Variants in OARD1 observed in about 807,000 individuals in gnomAD.
OARD1 encodes O-acyl-ADP-ribose deacylase 1.
In OARD1, 19 loss-of-function variants were observed where a neutral mutation model predicts 19.7. The ratio of observed to expected loss-of-function variants is 0.96; its 90% CI spans 0.67 to 1.41. OARD1 has a LOEUF of 1.41. Ranked by LOEUF, OARD1 falls within the 40% of genes most tolerant of loss-of-function variation. The pLI, the probability that OARD1 is intolerant of heterozygous loss-of-function variation, is 0.00. For synonymous variants in OARD1, 70 were observed against 61.8 expected (o/e 1.13, Z -0.62); for missense variants, 190 against 183.8 (o/e 1.03, Z -0.20).
intron 5 of OARD1, 107 bp downstream of exon 5, chr6:41,068,734 C>G: frequency 1.5e-6 from 1 of 667,508 alleles, no homozygotes; most frequent in East Asian, 3.1e-5. Context: ...TTTTGTCCAC[C>G]TTTAAATCTA....
At chr6:41,094,715 A>AG in intron 1 of OARD1, among the ~76,000 whole-genome samples, 1 of 152,134 alleles carries the variant, frequency 6.6e-6, no homozygotes, top group East Asian at 1.9e-4. Flanking sequence ...TGGGAGGCTG[A>AG]GGTGGGAAGC....
chr6:41,089,697 C>A (rs1764150294), intron 1 of OARD1: 1 of 1,612,216 alleles, frequency 6.2e-7, no homozygotes, highest in Non-Finnish European at 8.5e-7. Flanking sequence ...GCTGTCACTG[C>A]TGGCCAGACT....
intron 1 of OARD1, among the ~76,000 whole-genome samples, chr6:41,088,900 A>G (rs1431565811): frequency 1.3e-5 from 2 of 152,158 alleles, no homozygotes; most frequent in Non-Finnish European, 2.9e-5. Flanking sequence ...TTTAATATAT[A>G]TAGTATTTCC....
upstream of OARD1, among the ~76,000 whole-genome samples, chr6:41,075,919 G>A (rs972445260): frequency 1.3e-5 from 2 of 152,128 alleles, no homozygotes; most frequent in African/African-American, 4.8e-5. Context: ...TCAGAACAGT[G>A]TCTGGCACAT....
At position 41,065,584 on chromosome 6, in the gene OARD1, C is replaced by T. The variant is rs1762975661; in HGVS notation, c.*1751G>A. On this transcript the variant is annotated 3_prime_UTR_variant, in exon 6 of 6. Coordinates refer to ENST00000424266, the MANE Select transcript of OARD1 (RefSeq NM_001329686.2). ...ACAAAAGCAATGCTTCAAGAAAAGC[C>T]TCAATCTAAAAGTTTGATAATGAAC... 1 of 152,226 alleles carries T rather than the reference C, an allele frequency of 6.6e-6. No individual in the cohort carries two copies. Among genetic ancestry groups the T allele is most frequent in the African/African-American group, 2.4e-5 (1 of 41,466 alleles). The allele number at this position is 152,226 out of a possible 1,614,324, so 9.4% of individuals were successfully genotyped here.
At chr6:41,084,141 A>G (rs750408038) in intron 1 of OARD1, 3 of 1,614,206 alleles carry the variant, frequency 1.9e-6, no homozygotes, top group South Asian at 2.2e-5. Context: ...CTGGTGGACA[A>G]GGTCAAACCA....
rs779732285 is a variant in OARD1 at position 41,080,832 on chromosome 6, G to T, written c.-41-9157C>A. The T allele has an allele frequency of 1.5e-5, 24 of 1,613,786 alleles. No homozygotes were observed. The South Asian group carries it at 2.6e-4, about 18-fold the overall frequency. On this transcript the variant is annotated intron_variant, in intron 1 of 4. Coordinates refer to the OARD1 transcript ENST00000480585. ...TCAGCAGCAGGGTGGTGTCACTGCTGTGCAGTTGCAGACTGAGGCCCAGGT... is the reference window on the plus strand; with the variant it reads ...TCAGCAGCAGGGTGGTGTCACTGCTTTGCAGTTGCAGACTGAGGCCCAGGT...
intron 1 of OARD1, among the ~76,000 whole-genome samples, chr6:41,088,773 A>G (rs540507499): frequency 7.7e-4 from 117 of 152,040 alleles, no homozygotes; most frequent in African/African-American, 2.7e-3. Context: ...TTCAGTAGAT[A>G]CAGGGTTTTG....
chr6:41,071,516 T>C (rs911138847), intron 2 of OARD1, 80 bp downstream of exon 2: 4 of 1,251,850 alleles, frequency 3.2e-6, no homozygotes, highest in Non-Finnish European at 4.7e-6. Flanking sequence ...CAATCATTAA[T>C]TTAATTAAAA....
intron 1 of OARD1, among the ~76,000 whole-genome samples, chr6:41,091,894 G>C (rs1438825451): frequency 3.3e-5 from 5 of 151,964 alleles, no homozygotes; most frequent in Non-Finnish European, 7.4e-5. Flanking sequence ...TATTCACCAG[G>C]GACTATTCTA....
At position 41,086,613 on chromosome 6, in the gene OARD1, G is replaced by C. The variant is rs959292820; in HGVS notation, c.-42+11100C>G. ...TTGTATTCTCTATTTTAGAATCCTAGTAAAGCTTGCACCCTCTAAGAAAAA... is the reference window on the plus strand; with the variant it reads ...TTGTATTCTCTATTTTAGAATCCTACTAAAGCTTGCACCCTCTAAGAAAAA... On this transcript the variant is annotated intron_variant, in intron 1 of 4. Coordinates refer to the OARD1 transcript ENST00000480585. Among the ~76,000 whole-genome samples the C allele has an allele frequency of 5.3e-5, 8 of 151,936 alleles. No homozygotes were observed. In the South Asian group the frequency reaches 1.7e-3, roughly 31 times the overall value.
chr6:41,070,045 C>A lies in OARD1; in HGVS notation c.243+31G>T, dbSNP rs1388057107. The A allele has an allele frequency of 3.0e-6, 4 of 1,353,534 alleles. No individual in the cohort carries two copies. The South Asian group carries it at 3.5e-5, about 12-fold the overall frequency. 83.8% of individuals were successfully genotyped at this position (1,353,534 alleles called of 1,614,324 possible). ...CCTTAAAATGTATTAAGAACTGGCC[C>A]TGAAAAAAAAAGGAATTGGCCCCAT... On this transcript the variant is annotated intron_variant, in intron 4 of 5. Coordinates refer to ENST00000424266, the MANE Select transcript of OARD1 (RefSeq NM_001329686.2).
At chr6:41,071,575 A>G in intron 2 of OARD1, 21 bp downstream of exon 2, 1 of 1,598,482 alleles carries the variant, frequency 6.3e-7, no homozygotes, top group Non-Finnish European at 8.6e-7. Context: ...GTTCACCAAT[A>G]AGTCAATAGT....
chr6:41,068,545 G>A (rs959587053), intron 5 of OARD1, among the ~76,000 whole-genome samples: 25 of 152,238 alleles, frequency 1.6e-4, no homozygotes, highest in African/African-American at 5.3e-4. Flanking sequence ...TTCAAGCAGA[G>A]GGTGCTGAGA....
At chr6:41,071,838 G>C in intron 1 of OARD1, 163 bp from the exon 2 acceptor site, 1 of 549,976 alleles carries the variant, frequency 1.8e-6, no homozygotes, top group Non-Finnish European at 3.3e-6. Context: ...CTGGGGCAAA[G>C]AGGAAGAACG....
At chr6:41,086,705 A>G (rs1445182764) in intron 1 of OARD1, among the ~76,000 whole-genome samples, 1 of 152,172 alleles carries the variant, frequency 6.6e-6, no homozygotes, top group Non-Finnish European at 1.5e-5. Flanking sequence ...GGCCTGAGAA[A>G]GATACTGGAA....
At chr6:41,079,041 C>G in intron 1 of OARD1, 1 of 1,574,902 alleles carries the variant, frequency 6.3e-7, no homozygotes, top group African/African-American at 1.3e-5. Context: ...GTGTACCTCA[C>G]AGCCTTCTAG....
chr6:41,097,379 AAGC>A (rs764397986), intron 1 of OARD1: 1 of 1,614,084 alleles, frequency 6.2e-7, no homozygotes, highest in Non-Finnish European at 8.5e-7. Flanking sequence ...GCCGATGAAG[AAGC>A]AATGACACAG....
At chr6:41,074,784 T>C (rs1258348034), upstream of OARD1, among the ~76,000 whole-genome samples, 1 of 152,216 alleles carries the variant, frequency 6.6e-6, no homozygotes, top group Non-Finnish European at 1.5e-5. Context: ...TTTCCTAAGA[T>C]TGAAAAAACG....
Sources: gnomAD v4.1 joint callset for allele counts (sites outside exome capture counted in the v4.1 genomes callset) on GRCh38, gnomAD v4.1.1 for gene constraint, MANE v1.5 for transcripts, NCBI Gene and HGNC (gene_info 2026-07-23, HGNC 2026-07-21) for gene names.